The following UGT3A1 variants were observed in gnomAD, a reference collection of about 807,000 sequenced individuals.
The protein encoded by UGT3A1 is UDP glycosyltransferase family 3 member A1.
UGT3A1 carries 40 observed loss-of-function variants against 37.6 expected under a neutral mutation model. The observed-to-expected ratio is 1.06, with a 90% CI of 0.83 to 1.38. The LOEUF is 1.38. Ranked by LOEUF, UGT3A1 falls within the 40% of genes most tolerant of loss-of-function variation. The pLI is 0.00. For missense variants in UGT3A1, 642 were observed against 634.2 expected, an observed-to-expected ratio of 1.01 and a Z score of -0.13; for synonymous variants, 256 against 232.3, an observed-to-expected ratio of 1.10 and a Z score of -0.93.
At chr5:35,972,967 C>T (rs140736449) in intron 2 of UGT3A1, among the ~76,000 whole-genome samples, 164 of 151,790 alleles carry the variant, frequency 1.1e-3, no homozygotes, top group Non-Finnish European at 1.6e-3. Flanking sequence ...GACTGAATTA[C>T]GGTGCAATTT....
chr5:35,979,625 TC>T (rs1740437355), intron 2 of UGT3A1, among the ~76,000 whole-genome samples: 1 of 152,182 alleles, frequency 6.6e-6, no homozygotes, highest in Admixed American at 6.5e-5. Flanking sequence ...TCTTCCTGTC[TC>T]CTTCTGAGCC....
chr5:35,998,953 T>C (rs962459596), intron 1 of UGT3A1, among the ~76,000 whole-genome samples: 6 of 152,018 alleles, frequency 3.9e-5, no homozygotes, highest in Non-Finnish European at 2.9e-5. Context: ...AAATGTACAA[T>C]AGGCCGAGCG....
intron 2 of UGT3A1, among the ~76,000 whole-genome samples, chr5:35,996,576 G>T (rs1741101335): frequency 6.6e-6 from 1 of 152,156 alleles, no homozygotes; most frequent in Non-Finnish European, 1.5e-5. Context: ...AATATGCCCT[G>T]GGGCCCCTGT....
intron 2 of UGT3A1, among the ~76,000 whole-genome samples, chr5:35,975,154 C>A (rs181508758): frequency 2.0e-5 from 3 of 152,158 alleles, no homozygotes; most frequent in Non-Finnish European, 4.4e-5. Context: ...CTCAGCCAAC[C>A]CTGTCATTTG....
intron 5 of UGT3A1, 86 bp from the exon 6 acceptor site, chr5:35,955,950 C>A: frequency 3.1e-6 from 4 of 1,310,830 alleles, no homozygotes; most frequent in Non-Finnish European, 4.3e-6. Context: ...GATGAAACAC[C>A]AATGAAATCA....
chr5:35,965,892 G>T lies in UGT3A1; in HGVS notation c.337C>A (p.Leu113Ile). 6.4e-7 allele frequency: 1 copy of T among 1,569,912 alleles called. No individual in the cohort carries two copies. The highest frequency in any genetic ancestry group is 8.6e-7 in the Non-Finnish European group (1 of 1,162,516). Residue 113 changes from leucine (L) to isoleucine (I), a missense_variant, in exon 4 of 7, where the codon CTA (leucine) becomes ATA (isoleucine). Leu to Ile is a conservative substitution (Grantham distance 5). Transcript: ENST00000274278. ...CATTGAGTCCCAAATATTTCCATTA[G>T]CTTTACAAGGGCTTCAGATTCTTTT... ...GRKESEALVK[L>I]MEIFGTQCSY...
intron 2 of UGT3A1, among the ~76,000 whole-genome samples, chr5:35,968,546 T>A (rs907986300): frequency 6.6e-6 from 1 of 152,158 alleles, no homozygotes; most frequent in Non-Finnish European, 1.5e-5. Flanking sequence ...TTAGAAAAAA[T>A]CATTTTCAAG....
chr5:35,957,286 C>G lies in UGT3A1; in HGVS notation c.977G>C (p.Gly326Ala). ...AGAACTCTGACATGTCCATATCACTCCTTGAGGGAGGTGGGCAAAGGCATT... is the reference window on the plus strand; with the variant it reads ...AGAACTCTGACATGTCCATATCACTGCTTGAGGGAGGTGGGCAAAGGCATT... ...MHNAFAHLPQ[G>A]VIWTCQSSHW... Residue 326 changes from glycine to alanine, a missense_variant, in exon 5 of 7, where the codon GGA becomes GCA. Transcript: ENST00000274278. 1 of 1,614,158 alleles carries G rather than the reference C, an allele frequency of 6.2e-7. No individual in the cohort carries two copies. Among genetic ancestry groups the G allele is most frequent in the Non-Finnish European group, 8.5e-7 (1 of 1,180,026 alleles).
At chr5:35,991,622 C>A, upstream of UGT3A1, 1 of 1,011,390 alleles carries the variant, frequency 9.9e-7, no homozygotes, top group African/African-American at 1.7e-5. Flanking sequence ...CCAAGGAAAC[C>A]ACCTGTCTTT....
chr5:35,977,369 T>C (rs1740331137), intron 2 of UGT3A1, among the ~76,000 whole-genome samples: 1 of 152,230 alleles, frequency 6.6e-6, no homozygotes, highest in African/African-American at 2.4e-5. Flanking sequence ...TGATATTCTT[T>C]GGATGTTTGC....
chr5:35,988,428 A>C (rs1189982253), intron 2 of UGT3A1, 22 bp downstream of exon 2: 6 of 1,545,202 alleles, frequency 3.9e-6, no homozygotes. Flanking sequence ...AGAATATAAA[A>C]ATTAGTTTTT....
At chr5:35,968,875 A>T (rs1361405064) in intron 2 of UGT3A1, among the ~76,000 whole-genome samples, 5 of 152,226 alleles carry the variant, frequency 3.3e-5, no homozygotes, top group Non-Finnish European at 5.9e-5. Flanking sequence ...TCAAGTTTCA[A>T]TCAGAAGTTT....
At chr5:35,995,947 T>C (rs28594989), upstream of UGT3A1, among the ~76,000 whole-genome samples, 3,531 of 150,764 alleles carry the variant, frequency 0.023, 146 homozygotes, top group African/African-American at 0.083. Flanking sequence ...CCTTGTAAAA[T>C]GGCACATGAC....
At chr5:36,000,485 A>C (rs1420451630) in intron 1 of UGT3A1, among the ~76,000 whole-genome samples, 1 of 152,162 alleles carries the variant, frequency 6.6e-6, no homozygotes, top group African/African-American at 2.4e-5. Context: ...CCATTGACAA[A>C]TCCATGTGCT....
At chr5:35,985,964 A>G (rs148213864) in intron 2 of UGT3A1, among the ~76,000 whole-genome samples, 221 of 152,316 alleles carry the variant, frequency 1.5e-3, no homozygotes, top group African/African-American at 5.2e-3. Flanking sequence ...TCTTTTCACA[A>G]TGGATTAATA....
intron 4 of UGT3A1, chr5:35,962,518 T>G: frequency 5.6e-6 from 1 of 177,210 alleles, no homozygotes. Context: ...GCCTCTGGGA[T>G]TTGTTTCTTT....
chr5:35,985,079 T>TAAAAAAAAAAAAA (rs59401195), intron 2 of UGT3A1, among the ~76,000 whole-genome samples: 17 of 116,012 alleles, frequency 1.5e-4, no homozygotes, highest in East Asian at 2.4e-4. Flanking sequence ...ACATAAAATA[T>TAAAAAAAAAAAAA]AAAAAAAAAA....
intron 2 of UGT3A1, among the ~76,000 whole-genome samples, chr5:35,969,157 T>A (rs1122533): frequency 0.51 from 77,847 of 151,960 alleles, 22,754 homozygotes; most frequent in Non-Finnish European, 0.66. Flanking sequence ...ATATGATCCC[T>A]CCAAATGGTG....
Position 35,953,448 on chromosome 5 carries a change from T to TG in UGT3A1, c.*753dup, listed in dbSNP as rs1220121276. ...AGGGTATTAACTGCCATGTCGGGGA[T>TG]GGAAGATGGACTTTTTCTAAAATCA... On this transcript the variant is annotated 3_prime_UTR_variant, in exon 7 of 7. Coordinates refer to ENST00000274278, the MANE Select transcript of UGT3A1 (RefSeq NM_152404.4). The TG allele has an allele frequency of 2.0e-5, 3 of 152,358 alleles. No homozygotes were observed. Among genetic ancestry groups the TG allele is most frequent in the Non-Finnish European group, 2.9e-5 (2 of 68,052 alleles). 9.4% of individuals were successfully genotyped at this position (152,358 alleles called of 1,614,324 possible).
Sources: allele counts gnomAD v4.1 joint callset (sites outside exome capture counted in the v4.1 genomes callset), GRCh38; gene constraint gnomAD v4.1.1; transcripts MANE v1.5; gene names NCBI Gene and HGNC (gene_info 2026-07-23, HGNC 2026-07-21).